The following DAB1 variants were observed in gnomAD, a reference collection of about 807,000 sequenced individuals.
DAB1 encodes disabled homolog 1.
In DAB1, 15 loss-of-function variants were observed where a neutral mutation model predicts 64.6. The ratio of observed to expected loss-of-function variants is 0.23; its 90% CI spans 0.16 to 0.36. The LOEUF is 0.36. Among genes scored for constraint, DAB1 ranks in the 10% least tolerant of loss-of-function variants. The pLI is 1.00. For missense variants in DAB1, 596 were observed against 706.7 expected (o/e 0.84, Z 1.78); for synonymous variants, 235 against 251.9 (o/e 0.93, Z 0.64).
At chr1:57,513,994 G>T (rs10443217) in intron 7 of DAB1, among the ~76,000 whole-genome samples, 81,009 of 152,064 alleles carry the variant, frequency 0.53, 23,709 homozygotes, top group East Asian at 0.72. Flanking sequence ...AATGTCTCAG[G>T]TTCAACCAAG....
intron 5 of DAB1, among the ~76,000 whole-genome samples, chr1:58,145,585 T>C (rs1056152351): frequency 1.3e-5 from 2 of 152,226 alleles, no homozygotes; most frequent in African/African-American, 2.4e-5. Context: ...ATTATTGAAA[T>C]CATCCAGTCC....
chr1:57,862,803 G>C (rs1041040914), intron 1 of DAB1: 1 of 152,090 alleles, frequency 6.6e-6, no homozygotes. Flanking sequence ...AAGAAACAGG[G>C]ACACTGAGAC....
chr1:57,316,855 T>C (rs1276792643), intron 1 of DAB1, among the ~76,000 whole-genome samples: 3 of 152,158 alleles, frequency 2.0e-5, no homozygotes, highest in Non-Finnish European at 4.4e-5. Context: ...GCAGCCATCT[T>C]AAAATGGCCC....
chr1:58,526,480 C>T (rs980044645), intron 2 of DAB1, among the ~76,000 whole-genome samples: 1 of 151,826 alleles, frequency 6.6e-6, no homozygotes, highest in Non-Finnish European at 1.5e-5. Flanking sequence ...ATCTTAAATG[C>T]TACTAATAAC....
chr1:57,086,367 G>A (rs951005532), intron 4 of DAB1, among the ~76,000 whole-genome samples: 5 of 152,118 alleles, frequency 3.3e-5, no homozygotes, highest in Non-Finnish European at 5.9e-5. Flanking sequence ...GTTCATAGGC[G>A]AACAGATGGT....
chr1:57,665,800 T>C (rs1646439118), intron 6 of DAB1, among the ~76,000 whole-genome samples: 1 of 151,864 alleles, frequency 6.6e-6, no homozygotes, highest in Non-Finnish European at 1.5e-5. Flanking sequence ...ATGTGTTGTT[T>C]TTGGGTTACA....
At chr1:58,136,592 G>C (rs1161007669) in intron 5 of DAB1, among the ~76,000 whole-genome samples, 1 of 152,220 alleles carries the variant, frequency 6.6e-6, no homozygotes, top group Non-Finnish European at 1.5e-5. Context: ...GTTGGTGATA[G>C]ATTGAAAGCA....
At chr1:58,132,179 C>A (rs981830109) in intron 5 of DAB1, among the ~76,000 whole-genome samples, 7 of 152,230 alleles carry the variant, frequency 4.6e-5, no homozygotes, top group Non-Finnish European at 1.0e-4. Context: ...TTTTTAAGCC[C>A]GTCGGAAAAG....
At chr1:57,080,742 ACACACACACACACG>A (rs1030090548) in intron 4 of DAB1, among the ~76,000 whole-genome samples, 2 of 140,818 alleles carry the variant, frequency 1.4e-5, no homozygotes, top group African/African-American at 5.3e-5. Flanking sequence ...TACAACACAC[ACACACACACACACG>A]CACACACACA....
At chr1:57,901,702 AGTCT>A (rs1644476251) in intron 5 of DAB1, among the ~76,000 whole-genome samples, 1 of 152,104 alleles carries the variant, frequency 6.6e-6, no homozygotes, top group Non-Finnish European at 1.5e-5. Context: ...AGTGCTTCCC[AGTCT>A]GTCAGGCGCT....
intron 2 of DAB1, among the ~76,000 whole-genome samples, chr1:57,262,227 T>C (rs1431588077): frequency 1.3e-5 from 2 of 152,250 alleles, no homozygotes; most frequent in African/African-American, 4.8e-5. Flanking sequence ...TTAAGGAAGC[T>C]GATTAAATGA....
chr1:57,447,461 A>C (rs942414936), intron 7 of DAB1, among the ~76,000 whole-genome samples: 3 of 152,186 alleles, frequency 2.0e-5, no homozygotes, highest in Non-Finnish European at 2.9e-5. Context: ...AGATAGAAAC[A>C]TGGTACCTTT....
intron 5 of DAB1, among the ~76,000 whole-genome samples, chr1:57,963,807 A>T (rs1293317544): frequency 1.3e-5 from 2 of 152,138 alleles, no homozygotes; most frequent in Non-Finnish European, 2.9e-5. Flanking sequence ...CATTTAATAC[A>T]TGTGTATAAT....
chr1:57,733,826 T>C (rs1262530705), intron 6 of DAB1, among the ~76,000 whole-genome samples: 1 of 151,830 alleles, frequency 6.6e-6, no homozygotes, highest in Non-Finnish European at 1.5e-5. Flanking sequence ...AGAGTCAGCA[T>C]GGGGGGAATC....
intron 2 of DAB1, among the ~76,000 whole-genome samples, chr1:57,273,522 ACTGCCTGC>A (rs1261991604): frequency 0.018 from 1,726 of 96,566 alleles, 38 homozygotes; most frequent in South Asian, 0.037. Context: ...ACCAAGCCTG[ACTGCCTGC>A]CTGCCTGCCT....
intron 6 of DAB1, among the ~76,000 whole-genome samples, chr1:57,662,498 G>A (rs1240231212): frequency 6.6e-6 from 1 of 152,144 alleles, no homozygotes; most frequent in Non-Finnish European, 1.5e-5. Context: ...GCCTGGCCTG[G>A]AGATTGTTAT....
intron 9 of DAB1, among the ~76,000 whole-genome samples, chr1:57,056,158 C>T (rs1478339630): frequency 6.6e-6 from 1 of 151,824 alleles, no homozygotes; most frequent in Non-Finnish European, 1.5e-5. Context: ...ATGCCAAAGC[C>T]CATATTTTGA....
At chr1:57,399,558 AC>A (rs1245487702) in intron 1 of DAB1, among the ~76,000 whole-genome samples, 3 of 152,364 alleles carry the variant, frequency 2.0e-5, no homozygotes, top group African/African-American at 7.2e-5. Context: ...TCTGGAGAGT[AC>A]ATATGACCTA....
At chr1:57,778,442 T>C (rs541724874) in intron 6 of DAB1, among the ~76,000 whole-genome samples, 1 of 152,034 alleles carries the variant, frequency 6.6e-6, no homozygotes, top group South Asian at 2.1e-4. Context: ...AGTTTTCACC[T>C]CGTCTGTTGA....
Sources: allele counts gnomAD v4.1 joint callset (sites outside exome capture counted in the v4.1 genomes callset), GRCh38; gene constraint gnomAD v4.1.1; transcripts MANE v1.5; gene names NCBI Gene and HGNC (gene_info 2026-07-23, HGNC 2026-07-21).